Variants in HSP90B1 observed in about 807,000 individuals in gnomAD.
HSP90B1 encodes the protein endoplasmin.
A neutral mutation model predicts 100.4 loss-of-function variants in HSP90B1; 27 were observed. The ratio of observed to expected loss-of-function variants is 0.27; its 90% CI spans 0.20 to 0.37. The LOEUF is 0.37. Among genes scored for constraint, HSP90B1 ranks in the 10% least tolerant of loss-of-function variants. The pLI is 1.00. For missense variants in HSP90B1, 678 were observed against 960.5 expected (o/e 0.71, Z 3.89); for synonymous variants, 304 against 330.8 (o/e 0.92, Z 0.88).
At chr12:103,936,251 A>G (rs1593488624) in intron 5 of HSP90B1, among the ~76,000 whole-genome samples, 1 of 152,366 alleles carries the variant, frequency 6.6e-6, no homozygotes, top group East Asian at 1.9e-4. Flanking sequence ...AACAAGAAAG[A>G]AAGAGCCAGC....
At position 103,943,199 on chromosome 12, in the gene HSP90B1, T is replaced by C; in HGVS notation, c.1770T>C (p.Asn590=). The stretch of plus-strand genomic sequence containing the variant: ...AATTTGATGGGAAGAGGTTCCAGAA[T>C]GTTGCCAAGGAAGGAGTGAAGTTCG... ...LPEFDGKRFQ[N]VAKEGVKFDE... Residue 590 remains asparagine, a synonymous_variant, in exon 13 of 18, where the codon AAT becomes AAC. Coordinates refer to ENST00000299767, the MANE Select transcript of HSP90B1 (RefSeq NM_003299.3). The surrounding 1 kb of genome is among the most constrained non-coding windows in gnomAD (Gnocchi z 5.3). 1 of 1,614,172 alleles carries C rather than the reference T, an allele frequency of 6.2e-7. No homozygotes were observed. Among genetic ancestry groups the C allele is most frequent in the South Asian group, 1.1e-5 (1 of 91,076 alleles).
Position 103,938,940 on chromosome 12 carries a change from A to G in HSP90B1, c.975+481A>G, listed in dbSNP as rs963893391. 2.6e-5 allele frequency among the ~76,000 whole-genome samples: 4 copies of G among 152,216 alleles called. No individual in the cohort carries two copies. In the East Asian group the frequency reaches 5.8e-4, roughly 22 times the overall value. On this transcript the variant is annotated intron_variant, in intron 7 of 17. Coordinates refer to ENST00000299767, the MANE Select transcript of HSP90B1 (RefSeq NM_003299.3). Reference sequence around the variant, plus strand: ...TCTAACCTCAAAACAAATATTTTCAAGAAACATTTTTGCTAGTTAAAAAAT... The same window carrying G: ...TCTAACCTCAAAACAAATATTTTCAGGAAACATTTTTGCTAGTTAAAAAAT...
At chr12:103,945,417 A>G (rs17034974) in intron 14 of HSP90B1, among the ~76,000 whole-genome samples, 13,384 of 152,252 alleles carry the variant, frequency 0.088, 775 homozygotes, top group East Asian at 0.31. Flanking sequence ...TCAGAGCTTT[A>G]AACTAGAGAA....
In HSP90B1 at chr12:103,941,359, A is replaced by G; in HGVS notation, c.1093-51A>G. On this transcript the variant is annotated intron_variant, in intron 8 of 17. Coordinates refer to ENST00000299767, the MANE Select transcript of HSP90B1 (RefSeq NM_003299.3). Reference sequence around the variant, plus strand: ...ACATAGTACATTGCTTAGTTCTTGCACTGCTTTTCTCCTGTGTCGTTTGAA... The same window carrying G: ...ACATAGTACATTGCTTAGTTCTTGCGCTGCTTTTCTCCTGTGTCGTTTGAA... The G allele has an allele frequency of 1.9e-6, 3 of 1,584,268 alleles. No homozygotes were observed. The South Asian group carries it at 3.4e-5, about 18-fold the overall frequency.
At position 103,941,696 on chromosome 12, in the gene HSP90B1, T is replaced by A; in HGVS notation, c.1298T>A (p.Val433Asp). ...HDMMPKYLNF[V>D]KGVVDSDDLP... ...ATGATGCCTAAATACCTCAATTTTG[T>A]CAAGGGTGTGGTAAGTATCTGAAGT... The change falls in exon 10 of 18, where the codon GTC (valine) becomes GAC (aspartate). Residue 433 changes from valine (V) to aspartate (D), a missense_variant. Coordinates refer to ENST00000299767, the MANE Select transcript of HSP90B1 (RefSeq NM_003299.3). 2 of 1,614,048 alleles carry A rather than the reference T, an allele frequency of 1.2e-6. No individual in the cohort carries two copies. The highest frequency in any genetic ancestry group is 1.7e-6 in the Non-Finnish European group (2 of 1,179,892).
chr12:103,946,923 C>A lies in HSP90B1; in HGVS notation c.2244C>A (p.Asn748Lys), dbSNP rs142406645. ...AAAGAATGCTTCGCCTCAGTTTGAA[C>A]ATTGACCCTGATGCAAAGGTTTGTA... ...RIERMLRLSL[N>K]IDPDAKVEEE... The change falls in exon 16 of 18, where the codon AAC becomes AAA. Residue 748 changes from asparagine to lysine, a missense_variant. Physicochemically the swap from Asn to Lys is moderately conservative, Grantham distance 94. Around this residue, in one of 8 missense-constraint regions of HSP90B1, gnomAD observed 65 missense variants for 65.1 expected, o/e 1.00. Transcript: ENST00000299767. The A allele has an allele frequency of 1.1e-5, 18 of 1,613,226 alleles. No individual in the cohort carries two copies. The South Asian group carries it at 2.0e-4, about 18-fold the overall frequency.
rs142832694 is a variant in HSP90B1, at chr12:103,943,854, G to A, written c.2007G>A (p.Thr669=). ...ERIMKAQAYQ[T]GKDISTNYYA... Reference sequence around the variant, plus strand: ...TCATGAAAGCACAAGCGTACCAAACGGGCAAGGACATCTCTACAAAGTAAG... The same window carrying A: ...TCATGAAAGCACAAGCGTACCAAACAGGCAAGGACATCTCTACAAAGTAAG... The change falls in exon 14 of 18, where the codon ACG becomes ACA. Residue 669 remains threonine, a synonymous_variant. Transcript: ENST00000299767. The surrounding 1 kb of genome is among the most constrained non-coding windows in gnomAD (Gnocchi z 5.3). 6 of 1,613,734 alleles carry A rather than the reference G, an allele frequency of 3.7e-6. No homozygotes were observed. The highest frequency in any genetic ancestry group is 2.7e-5 in the African/African-American group (2 of 74,918).
Position 103,932,277 on chromosome 12 carries a change from A to C in HSP90B1, c.153A>C (p.Arg51Ser). ...GSRTDDEVVQ[R>S]EEEAIQLDGL... ...TTGCTTACCTAACTGATTTCCTTAGAGAGGAAGAAGCTATTCAGTTGGATG... is the reference window on the plus strand; with the variant it reads ...TTGCTTACCTAACTGATTTCCTTAGCGAGGAAGAAGCTATTCAGTTGGATG... The change falls in exon 3 of 18, where the codon AGA becomes AGC. Residue 51 changes from arginine (R) to serine (S), a missense_variant and splice_region_variant. By Grantham distance (110) the Arg-to-Ser change is moderately radical. Transcript: ENST00000299767. The C allele has an allele frequency of 6.2e-7, 1 of 1,605,152 alleles. No individual in the cohort carries two copies. Among genetic ancestry groups the C allele is most frequent in the Non-Finnish European group, 8.5e-7 (1 of 1,176,678 alleles).
intron 5 of HSP90B1, among the ~76,000 whole-genome samples, chr12:103,936,210 C>G (rs1869909797): frequency 6.6e-6 from 1 of 152,012 alleles, no homozygotes; most frequent in Non-Finnish European, 1.5e-5. Context: ...CTTAAAAGAG[C>G]CAGCTAGTAG....
At chr12:103,946,537 G>A in intron 14 of HSP90B1, 81 bp from the exon 15 acceptor site, 2 of 981,688 alleles carry the variant, frequency 2.0e-6, no homozygotes, top group Non-Finnish European at 3.2e-6. Context: ...GTTGTTCTGT[G>A]TAATTATGAA....
At chr12:103,934,511 T>C (rs373957319) in intron 5 of HSP90B1, among the ~76,000 whole-genome samples, 1 of 152,158 alleles carries the variant, frequency 6.6e-6, no homozygotes. Flanking sequence ...AAGTAGGAAA[T>C]AGCAGCAGCT....
intron 2 of HSP90B1, 100 bp from the exon 3 acceptor site, chr12:103,932,177 C>A: frequency 1.1e-6 from 1 of 941,110 alleles, no homozygotes; most frequent in Non-Finnish European, 1.6e-6. Context: ...TTTTAACCCC[C>A]AAGACAATAT....
At position 103,930,417 on chromosome 12, in the gene HSP90B1, G is replaced by A. The variant is rs764061535; in HGVS notation, c.-99G>A. 1 of 1,117,576 alleles carries A rather than the reference G, an allele frequency of 8.9e-7. No individual in the cohort carries two copies. The highest frequency in any genetic ancestry group is 1.3e-6 in the Non-Finnish European group (1 of 796,508). 69.2% of individuals were successfully genotyped at this position (1,117,576 alleles called of 1,614,324 possible). On this transcript the variant is annotated 5_prime_UTR_variant, in exon 1 of 18. Coordinates refer to ENST00000299767, the MANE Select transcript of HSP90B1 (RefSeq NM_003299.3). This position sits in a 1 kb window ranked among gnomAD's most constrained non-coding sequence, Gnocchi z 4.4. Reference sequence around the variant, plus strand: ...CCGACCTGCTTGCGGTGTAGTGGGCGGACCGCGCGGCTGGAGGTGTGAGGA... The same window carrying A: ...CCGACCTGCTTGCGGTGTAGTGGGCAGACCGCGCGGCTGGAGGTGTGAGGA...
At chr12:103,941,123 A>G (rs1008557632) in intron 8 of HSP90B1, among the ~76,000 whole-genome samples, 9 of 152,340 alleles carry the variant, frequency 5.9e-5, no homozygotes, top group African/African-American at 2.2e-4. Context: ...TAAGAAGTAT[A>G]AACTCATCCT....
chr12:103,940,407 G>C (rs1870041549), intron 8 of HSP90B1, among the ~76,000 whole-genome samples: 1 of 151,760 alleles, frequency 6.6e-6, no homozygotes, highest in Non-Finnish European at 1.5e-5. Flanking sequence ...CATTGATAAA[G>C]TTTGTTTAAA....
intron 2 of HSP90B1, chr12:103,931,916 G>C (rs550320757): frequency 2.2e-6 from 1 of 445,712 alleles, no homozygotes; most frequent in South Asian, 2.1e-5. Context: ...CACCGAGTAA[G>C]TTTAAAAATG....
chr12:103,934,858 C>T (rs189435694), intron 5 of HSP90B1, among the ~76,000 whole-genome samples: 4 of 152,318 alleles, frequency 2.6e-5, no homozygotes, highest in Non-Finnish European at 4.4e-5. Context: ...TGTGCCACCA[C>T]GCCCAGCTAA....
At chr12:103,937,589 A>C (rs1869953259) in intron 5 of HSP90B1, 106 bp from the exon 6 acceptor site, 1 of 661,550 alleles carries the variant, frequency 1.5e-6, no homozygotes, top group Admixed American at 2.7e-5. Flanking sequence ...TAATTAGGAC[A>C]TCTTGGATTA....
chr12:103,935,265 T>A (rs1205936715), intron 5 of HSP90B1, among the ~76,000 whole-genome samples: 2 of 152,192 alleles, frequency 1.3e-5, no homozygotes, highest in African/African-American at 4.8e-5. Context: ...TAACTGTTGT[T>A]TGTATGGGTG....
Sources: allele counts gnomAD v4.1 joint callset (sites outside exome capture counted in the v4.1 genomes callset), GRCh38; gene constraint gnomAD v4.1.1; regional missense constraint gnomAD v4.1.1; non-coding constraint Gnocchi (gnomAD v3.1); transcripts MANE v1.5; gene names NCBI Gene and HGNC (gene_info 2026-07-23, HGNC 2026-07-21).